The following FTSJ3 variants were observed in gnomAD, a reference collection of about 807,000 sequenced individuals.
FTSJ3 encodes pre-rRNA 2'-O-ribose RNA methyltransferase FTSJ3.
In FTSJ3, 46 loss-of-function variants were observed where a neutral mutation model predicts 111.5. The ratio of observed to expected loss-of-function variants is 0.41; its 90% CI spans 0.33 to 0.53. FTSJ3 has a LOEUF of 0.53. FTSJ3 is among the 20% of genes least tolerant of loss of function. The pLI, the probability that FTSJ3 is intolerant of heterozygous loss-of-function variation, is 0.19. For synonymous variants in FTSJ3, 408 were observed against 383.0 expected (o/e 1.07, Z -0.76); for missense variants, 1,075 against 1,063.8 (o/e 1.01, Z -0.15).
intron 14 of FTSJ3, 41 bp from the exon 15 acceptor site, chr17:63,821,884 T>A (rs200209535): frequency 3.1e-6 from 5 of 1,614,032 alleles, no homozygotes; most frequent in East Asian, 2.2e-5. Context: ...GAGACCCAGA[T>A]TGCCTGGAGC....
intron 4 of FTSJ3, 50 bp downstream of exon 4, chr17:63,826,208 C>G: frequency 6.2e-7 from 1 of 1,608,786 alleles, no homozygotes; most frequent in Non-Finnish European, 8.5e-7. Context: ...GGACAAAATA[C>G]CTTATACACC....
In FTSJ3 at chr17:63,821,036, C is replaced by T; in HGVS notation, c.1966G>A (p.Asp656Asn). Residue 656 changes from aspartate (D) to asparagine (N), a missense_variant, in exon 17 of 21, where the codon GAC becomes AAC. Physicochemically the swap from Asp to Asn is conservative, Grantham distance 23. Around this residue, in one of 2 missense-constraint regions of FTSJ3, gnomAD observed 867 missense variants for 796.9 expected, o/e 1.09. Coordinates refer to ENST00000427159, the MANE Select transcript of FTSJ3 (RefSeq NM_017647.4). ...DDGFEIVPIE[D>N]PAKHRILDPE... ...CTGCATACAGAGCTCTCACCTGGGT[C>T]CTCAATAGGCACTATCTCAAACCCG... 1 of 1,614,100 alleles carries T rather than the reference C, an allele frequency of 6.2e-7. No homozygotes were observed. The highest frequency in any genetic ancestry group is 8.5e-7 in the Non-Finnish European group (1 of 1,179,954).
rs564705840 is a variant in FTSJ3, at chr17:63,823,805, A to G, written c.1290+12T>C. The G allele has an allele frequency of 1.9e-5, 31 of 1,612,766 alleles. No homozygotes were observed. The highest frequency in any genetic ancestry group is 2.7e-5 in the African/African-American group (2 of 74,790). The stretch of plus-strand genomic sequence containing the variant: ...TCTGTCTCCTAAACCTGCACCCCCA[A>G]TGCCGCCTCACCTGGTGACCCCGGA... On this transcript the variant is annotated intron_variant, in intron 13 of 20. Transcript: ENST00000427159.
intron 18 of FTSJ3, 119 bp from the exon 19 acceptor site, chr17:63,820,557 G>A (rs1297300494): frequency 9.2e-6 from 9 of 978,108 alleles, no homozygotes; most frequent in Non-Finnish European, 1.4e-5. Flanking sequence ...GAGGTGGGCA[G>A]ATCACCTGAG....
rs200565432 is a variant in FTSJ3, at chr17:63,824,890, G to T, written c.751C>A (p.Arg251Ser). The change falls in exon 9 of 21, where the codon CGT becomes AGT. Residue 251 changes from arginine to serine, a missense_variant. Arg to Ser is a moderately radical substitution (Grantham distance 110). Around this residue, in one of 2 missense-constraint regions of FTSJ3, gnomAD observed 867 missense variants for 796.9 expected, o/e 1.09. Transcript: ENST00000427159. ...CGGAGGAAGTCAGTGACTGAGGTAC[G>T]GTGATAGAGAGTGAGGTCACCCTCA... ...YAEGDLTLYHRTSVTDFLRAA... is the reference protein window; with the variant it reads ...YAEGDLTLYHSTSVTDFLRAA... 23 of 1,594,626 alleles carry T rather than the reference G, an allele frequency of 1.4e-5. No individual in the cohort carries two copies. The highest frequency in any genetic ancestry group is 2.0e-5 in the Non-Finnish European group (23 of 1,169,592).
chr17:63,825,628 C>T lies in FTSJ3; in HGVS notation c.308G>A (p.Arg103Lys). The T allele has an allele frequency of 6.2e-7, 1 of 1,613,828 alleles. No homozygotes were observed. Among genetic ancestry groups the T allele is most frequent in the Non-Finnish European group, 8.5e-7 (1 of 1,179,808 alleles). Reference sequence around the variant, plus strand: ...AACCTTCCAGGTCTTCAGCTCCTTCCTCAGGGCCTAAAGAGAAGAAAAGGA... The same window carrying T: ...AACCTTCCAGGTCTTCAGCTCCTTCTTCAGGGCCTAAAGAGAAGAAAAGGA... ...ITTERCRQAL[R>K]KELKTWKVDV... The change falls in exon 6 of 21, where the codon AGG (arginine) becomes AAG (lysine). Residue 103 changes from arginine to lysine, a missense_variant. By Grantham distance (26) the Arg-to-Lys change is conservative (BLOSUM62 2). Around this residue, in one of 2 missense-constraint regions of FTSJ3, gnomAD observed 208 missense variants for 266.9 expected, o/e 0.78. Transcript: ENST00000427159.
chr17:63,823,954 TGA>T lies in FTSJ3; in HGVS notation c.1155-4_1155-3del. ...TCACGCAACAGCTTCTTTTTCTTCC[TGA>T]GGGGGTGGATTGAGGGAGTAAAACC... On this transcript the variant is annotated splice_polypyrimidine_tract_variant and splice_region_variant and intron_variant, in intron 12 of 20. Transcript: ENST00000427159. 1.2e-6 allele frequency: 2 copies of T among 1,614,228 alleles called. No homozygotes were observed. Among genetic ancestry groups the T allele is most frequent in the Non-Finnish European group, 1.7e-6 (2 of 1,180,032 alleles).
intron 18 of FTSJ3, 133 bp downstream of exon 18, chr17:63,820,706 G>A: frequency 1.7e-5 from 9 of 540,760 alleles, no homozygotes; most frequent in East Asian, 2.9e-5. Context: ...GGAGAATCAG[G>A]CTGCAGTGAG....
At position 63,824,303 on chromosome 17, in the gene FTSJ3, C is replaced by T. The variant is rs373675845; in HGVS notation, c.998+28G>A. The T allele has an allele frequency of 8.9e-4, 1,434 of 1,614,100 alleles. 25 individuals are homozygous for T. The South Asian group carries it at 0.015, about 17-fold the overall frequency. ...ACTTTTCCCCTGGACACCCAGTCCA[C>T]ACCTGCCTCGCTGCGTTCTCTCCTC... On this transcript the variant is annotated intron_variant, in intron 11 of 20. Transcript: ENST00000427159.
chr17:63,822,035 G>A lies in FTSJ3; in HGVS notation c.1424C>T (p.Pro475Leu). The A allele has an allele frequency of 1.2e-6, 2 of 1,614,060 alleles. No homozygotes were observed. ...TCCCCTGACTCCTGCCAGCTCCTCT[G>A]GATCCAGGTCACTATCCAGAGATGT... ...DDTSLDSDLD[P>L]EELAGVRGHQ... The change falls in exon 14 of 21, where the codon CCA (proline) becomes CTA (leucine). Residue 475 changes from proline to leucine, a missense_variant. Around this residue, in one of 2 missense-constraint regions of FTSJ3, gnomAD observed 867 missense variants for 796.9 expected, o/e 1.09. Coordinates refer to ENST00000427159, the MANE Select transcript of FTSJ3 (RefSeq NM_017647.4).
chr17:63,825,284 C>T lies in FTSJ3; in HGVS notation c.553G>A (p.Ala185Thr). ...ATCTCTGCAGATTCATGGCGAGAGG[C>T]TTGGGGCTTGGTGGCCTGGACACGG... ...FRRVQATKPQ[A>T]SRHESAEIFV... Residue 185 changes from alanine to threonine, a missense_variant, in exon 7 of 21, where the codon GCC becomes ACC. By Grantham distance (58) the Ala-to-Thr change is moderately conservative. Coordinates refer to ENST00000427159, the MANE Select transcript of FTSJ3 (RefSeq NM_017647.4). The T allele has an allele frequency of 6.2e-7, 1 of 1,614,220 alleles. No individual in the cohort carries two copies. Among genetic ancestry groups the T allele is most frequent in the Non-Finnish European group, 8.5e-7 (1 of 1,180,044 alleles).
intron 14 of FTSJ3, 24 bp from the exon 15 acceptor site, chr17:63,821,867 G>A (rs1401597409): frequency 6.2e-7 from 1 of 1,613,972 alleles, no homozygotes; most frequent in African/African-American, 1.3e-5. Context: ...GGAAAGTAGG[G>A]GGCTCAGAGA....
At chr17:63,825,485 A>G (rs2040089667) in intron 6 of FTSJ3, 49 bp from the exon 7 acceptor site, 16 of 1,604,256 alleles carry the variant, frequency 1.0e-5, no homozygotes, top group African/African-American at 8.0e-5. Context: ...CCAGGAGGGC[A>G]TGCGCCCACC....
chr17:63,824,697 G>C lies in FTSJ3; in HGVS notation c.857C>G (p.Thr286Ser). The C allele has an allele frequency of 3.7e-6, 6 of 1,614,160 alleles. No homozygotes were observed. The highest frequency in any genetic ancestry group is 5.1e-6 in the Non-Finnish European group (6 of 1,179,998). ...ACAGCACACCCGTATGTCCTCAGTG[G>C]TAGCTGGATGCTGTGCCAACTCTTC... ...DDEELAQHPA[T>S]TEDIRVCCQD... The change falls in exon 10 of 21, where the codon ACC becomes AGC. Residue 286 changes from threonine to serine, a missense_variant. Around this residue, in one of 2 missense-constraint regions of FTSJ3, gnomAD observed 867 missense variants for 796.9 expected, o/e 1.09. Coordinates refer to ENST00000427159, the MANE Select transcript of FTSJ3 (RefSeq NM_017647.4).
rs759785837 is a variant in FTSJ3, at chr17:63,820,240, G to A, written c.2256+15C>T. On this transcript the variant is annotated intron_variant, in intron 19 of 20. Transcript: ENST00000427159. Reference sequence around the variant, plus strand: ...ACCCCCACCCCACCCAATCTCTGGAGGCCCCATCACTTACCCTCCTTTTCT... The same window carrying A: ...ACCCCCACCCCACCCAATCTCTGGAAGCCCCATCACTTACCCTCCTTTTCT... The A allele has an allele frequency of 3.4e-6, 5 of 1,467,148 alleles. No individual in the cohort carries two copies. Among genetic ancestry groups the A allele is most frequent in the Non-Finnish European group, 4.7e-6 (5 of 1,072,608 alleles). 90.9% of individuals were successfully genotyped at this position (1,467,148 alleles called of 1,614,324 possible).
rs1758951359 is a variant in FTSJ3, at chr17:63,826,929, C to G, written c.-26-1G>C. On this transcript the variant is annotated splice_acceptor_variant, in intron 1 of 20. Transcript: ENST00000427159. LOFTEE classifies it low-confidence loss of function (5UTR_SPLICE). ...GTGGAAAGGGGGAGTATCCCTCAAT[C>G]TGGGGAGAAAGTAGAAGTTGGGAAC... The G allele has an allele frequency of 1.3e-6, 2 of 1,597,872 alleles. No individual in the cohort carries two copies. Among genetic ancestry groups the G allele is most frequent in the Non-Finnish European group, 1.7e-6 (2 of 1,165,272 alleles).
intron 2 of FTSJ3, 66 bp downstream of exon 2, chr17:63,826,770 G>C (rs1277684071): frequency 1.9e-6 from 3 of 1,575,128 alleles, no homozygotes; most frequent in Non-Finnish European, 2.6e-6. Flanking sequence ...CATAATGGTC[G>C]CAAAGAGCAG....
intron 5 of FTSJ3, chr17:63,825,851 G>A (rs1265611286): frequency 9.5e-6 from 6 of 629,676 alleles, no homozygotes; most frequent in African/African-American, 9.2e-5. Context: ...AAAGATCTCT[G>A]CCCTTCTCCC....
In FTSJ3 at chr17:63,822,106, T is replaced by C. The variant is rs1166644187; in HGVS notation, c.1353A>G (p.Pro451=). ...SAADTFLSDL[P]RDDIYVSDVE... is the part of the protein sequence containing the mutation. ...CATCTGACACATAGATATCATCCCT[T>C]GGCAGATCGGACAGAAATGTGTCTG... is the stretch of plus-strand genomic sequence containing the variant. Residue 451 remains proline, a synonymous_variant, in exon 14 of 21, where the codon CCA becomes CCG. Coordinates refer to ENST00000427159, the MANE Select transcript of FTSJ3 (RefSeq NM_017647.4). The C allele has an allele frequency of 3.7e-6, 6 of 1,614,236 alleles. No homozygotes were observed. Among genetic ancestry groups the C allele is most frequent in the Non-Finnish European group, 5.1e-6 (6 of 1,180,048 alleles).
Sources: gnomAD v4.1 joint callset for allele counts on GRCh38, gnomAD v4.1.1 for gene constraint, gnomAD v4.1.1 regional missense constraint, MANE v1.5 for transcripts, NCBI Gene and HGNC (gene_info 2026-07-23, HGNC 2026-07-21) for gene names.